FADS2: variants seen among roughly 807,000 people sequenced by gnomAD.
The protein encoded by FADS2 is acyl-CoA 6-desaturase.
In FADS2, 18 loss-of-function variants were observed where a neutral mutation model predicts 61.2. That is an observed-to-expected ratio of 0.29 (90% CI 0.20 to 0.44). FADS2 has a LOEUF of 0.44. FADS2 is among the 20% of genes least tolerant of loss of function. FADS2 has a pLI of 1.00. For missense variants in FADS2, 322 were observed against 572.7 expected, an observed-to-expected ratio of 0.56 and a Z score of 4.47; for synonymous variants, 203 against 223.9, an observed-to-expected ratio of 0.91 and a Z score of 0.83.
intron 9 of FADS2, 97 bp downstream of exon 9, chr11:61,863,475 T>G: frequency 2.0e-6 from 2 of 981,448 alleles, no homozygotes; most frequent in Non-Finnish European, 3.2e-6. Context: ...GTGCTGGGCC[T>G]CCCGGGGCTG....
intron 1 of FADS2, among the ~76,000 whole-genome samples, chr11:61,819,090 G>T (rs2135945915): frequency 6.6e-6 from 1 of 152,160 alleles, no homozygotes; most frequent in South Asian, 2.1e-4. Flanking sequence ...TAGCCAGGAT[G>T]GCTTTGATCT....
chr11:61,855,991 A>G (rs2067354676), intron 5 of FADS2: 1 of 152,330 alleles, frequency 6.6e-6, no homozygotes, highest in South Asian at 2.1e-4. Context: ...AATGCCAGAC[A>G]AGGCTCAGCA....
chr11:61,829,632 C>A (rs976469551), intron 1 of FADS2, among the ~76,000 whole-genome samples: 1 of 152,062 alleles, frequency 6.6e-6, no homozygotes. Context: ...GAAGAAAGGG[C>A]GGCTTTTGGT....
chr11:61,853,175 A>G (rs1206915035), intron 5 of FADS2, among the ~76,000 whole-genome samples: 1 of 150,752 alleles, frequency 6.6e-6, no homozygotes, highest in Non-Finnish European at 1.5e-5. Flanking sequence ...CAACAACAAC[A>G]ACAACAAAAC....
At chr11:61,853,454 G>A (rs549360868) in intron 5 of FADS2, among the ~76,000 whole-genome samples, 4 of 152,012 alleles carry the variant, frequency 2.6e-5, no homozygotes, top group Non-Finnish European at 4.4e-5. Context: ...GTTTAATAGC[G>A]GTGATATTGG....
rs58136105 is a variant in FADS2 at position 61,861,353 on chromosome 11, C to CAAAAAAAAAAAAAAAAAAAAAAAAAAAA, written c.883-1601_883-1600insAAAAAAAAAAAAAAAAAAAAAAAAAAAA. ...TGGGCGACAGAGCGAGACTCCCTCT[C>CAAAAAAAAAAAAAAAAAAAAAAAAAAAA]AAAAAAAAAAAAAAAAAACAGAAAT... is the stretch of plus-strand genomic sequence containing the variant. On this transcript the variant is annotated intron_variant, in intron 7 of 11. Coordinates refer to ENST00000278840, the MANE Select transcript of FADS2 (RefSeq NM_004265.4). Among the ~76,000 whole-genome samples, 53 of 29,672 alleles carry CAAAAAAAAAAAAAAAAAAAAAAAAAAAA rather than the reference C, an allele frequency of 1.8e-3. 6 individuals carry two copies. Among genetic ancestry groups the CAAAAAAAAAAAAAAAAAAAAAAAAAAAA allele is most frequent in the South Asian group, 5.5e-3 (3 of 544 alleles). 19.5% of individuals were successfully genotyped at this position (29,672 alleles called of 152,430 possible).
rs1258292875 is a variant in FADS2, at chr11:61,828,540, C to T, written c.150C>T (p.Ser50=). Reference sequence around the variant, plus strand: ...AGGTTTACAACATCACCAAATGGTCCATCCAGCACCCGGGGGGCCAGCGGG... The same window carrying T: ...AGGTTTACAACATCACCAAATGGTCTATCCAGCACCCGGGGGGCCAGCGGG... The part of the protein sequence containing the change: ...DRKVYNITKW[S]IQHPGGQRVI... Residue 50 remains serine (S), a synonymous_variant, in exon 1 of 12, where the codon TCC becomes TCT. Coordinates refer to ENST00000278840, the MANE Select transcript of FADS2 (RefSeq NM_004265.4). The surrounding 1 kb of genome is among the most constrained non-coding windows in gnomAD (Gnocchi z 6.4). 1.9e-6 allele frequency: 3 copies of T among 1,613,946 alleles called. No homozygotes were observed. Among genetic ancestry groups the T allele is most frequent in the African/African-American group, 1.3e-5 (1 of 74,942 alleles).
chr11:61,817,102 C>CGGTAGGAA (rs1474222200), intron 1 of FADS2: 1 of 587,298 alleles, frequency 1.7e-6, no homozygotes, highest in Non-Finnish European at 2.5e-6. Flanking sequence ...GGGGGCGCCG[C>CGGTAGGAA]GGTAGGAACA....
At chr11:61,834,938 CCTGGGCT>C (rs947521395) in intron 1 of FADS2, among the ~76,000 whole-genome samples, 2 of 151,910 alleles carry the variant, frequency 1.3e-5, no homozygotes, top group African/African-American at 4.8e-5. Context: ...CCACTGCAAC[CCTGGGCT>C]CCTCCCTGCC....
upstream of FADS2, chr11:61,826,301 C>G (rs1206040600): frequency 1.4e-6 from 1 of 702,482 alleles, no homozygotes; most frequent in African/African-American, 1.7e-5. Flanking sequence ...CTGGCTGGTA[C>G]TGTGCTGGGA....
chr11:61,860,606 GTGT>G (rs1646012029), intron 7 of FADS2, among the ~76,000 whole-genome samples: 1 of 152,166 alleles, frequency 6.6e-6, no homozygotes, highest in Admixed American at 6.5e-5. Context: ...CTCTGTGTAT[GTGT>G]TGCTCTCTAC....
chr11:61,857,003 C>G lies in FADS2; in HGVS notation c.745-8C>G. The stretch of plus-strand genomic sequence containing the variant: ...ACTGGGTGCTCATGATCTCTCCTCT[C>G]TCCTCAGTACGGCAAGAAGAAGCTG... On this transcript the variant is annotated splice_polypyrimidine_tract_variant and splice_region_variant and intron_variant, in intron 5 of 11. Transcript: ENST00000278840. 6.2e-7 allele frequency: 1 copy of G among 1,612,940 alleles called. No homozygotes were observed. The highest frequency in any genetic ancestry group is 1.1e-5 in the South Asian group (1 of 91,066).
rs986447921 is a variant in FADS2, at chr11:61,865,004, C to T, written c.1158-148C>T. The T allele has an allele frequency of 9.6e-6, 9 of 934,520 alleles. No homozygotes were observed. Among genetic ancestry groups the T allele is most frequent in the Non-Finnish European group, 1.4e-5 (9 of 622,514 alleles). The allele number at this position is 934,520 out of a possible 1,614,324, so 57.9% of individuals were successfully genotyped here. A position where few individuals can be genotyped will look rare whatever the true frequency, so the allele number is the denominator to read the frequency against. On this transcript the variant is annotated intron_variant, in intron 10 of 11. Transcript: ENST00000278840. The surrounding 1 kb of genome is among the most constrained non-coding windows in gnomAD (Gnocchi z 4.1). ...CACACACGTGGCACCCCACTGGGCACACACGAGGAGCCACACTTTGAGACT... is the reference window on the plus strand; with the variant it reads ...CACACACGTGGCACCCCACTGGGCATACACGAGGAGCCACACTTTGAGACT...
chr11:61,840,615 T>C lies in FADS2; in HGVS notation c.517-9T>C. The C allele has an allele frequency of 6.2e-7, 1 of 1,614,034 alleles. No homozygotes were observed. Among genetic ancestry groups the C allele is most frequent in the Non-Finnish European group, 8.5e-7 (1 of 1,179,962 alleles). The stretch of plus-strand genomic sequence containing the variant: ...GGCTGTGACAGCACGTGTGACCCTC[T>C]CTCCCCAGGCCCAAGCTGGATGGCT... On this transcript the variant is annotated splice_polypyrimidine_tract_variant and intron_variant, in intron 3 of 11. Coordinates refer to ENST00000278840, the MANE Select transcript of FADS2 (RefSeq NM_004265.4).
intron 7 of FADS2, among the ~76,000 whole-genome samples, chr11:61,857,813 A>C (rs1012377910): frequency 6.6e-6 from 1 of 151,678 alleles, no homozygotes; most frequent in Non-Finnish European, 1.5e-5. Context: ...ATGAGAGGCA[A>C]GTGTGGCCAT....
At chr11:61,852,209 C>A (rs542467823) in intron 5 of FADS2, among the ~76,000 whole-genome samples, 35 of 152,280 alleles carry the variant, frequency 2.3e-4, no homozygotes, top group African/African-American at 7.5e-4. Context: ...GCACTTAACT[C>A]ATTGGAAGCT....
chr11:61,844,652 G>T (rs140702173), intron 4 of FADS2, among the ~76,000 whole-genome samples: 1 of 152,118 alleles, frequency 6.6e-6, no homozygotes, highest in Non-Finnish European at 1.5e-5. Flanking sequence ...GAGGCCAGGC[G>T]CGGTGGCTCA....
intron 1 of FADS2, among the ~76,000 whole-genome samples, chr11:61,817,613 T>A (rs1294883788): frequency 6.6e-6 from 1 of 152,208 alleles, no homozygotes; most frequent in Non-Finnish European, 1.5e-5. Context: ...CTTAGGTGTT[T>A]CACCTGAAAA....
chr11:61,830,209 T>C (rs2067117435), intron 1 of FADS2, among the ~76,000 whole-genome samples: 1 of 152,260 alleles, frequency 6.6e-6, no homozygotes, highest in Non-Finnish European at 1.5e-5. Context: ...CTGGTCTGTT[T>C]CTGATTTCAT....
Sources: gnomAD v4.1 joint callset for allele counts (sites outside exome capture counted in the v4.1 genomes callset) on GRCh38, gnomAD v4.1.1 for gene constraint, Gnocchi (gnomAD v3.1) non-coding constraint, MANE v1.5 for transcripts, NCBI Gene and HGNC (gene_info 2026-07-23, HGNC 2026-07-21) for gene names.